The following TP53BP1 variants were observed in gnomAD, a reference collection of about 807,000 sequenced individuals.
TP53BP1 encodes TP53-binding protein 1.
In TP53BP1, 61 loss-of-function variants were observed where a neutral mutation model predicts 200.8. The ratio of observed to expected loss-of-function variants is 0.30; its 90% CI spans 0.25 to 0.38. The LOEUF is 0.38. Among genes scored for constraint, TP53BP1 ranks in the 10% least tolerant of loss-of-function variants. The probability of loss-of-function intolerance (pLI) is 1.00; values close to 1 mark genes in which losing one functional copy is unlikely to be tolerated. For missense variants in TP53BP1, 2,144 were observed against 2,371.9 expected (o/e 0.90, Z 2.00); for synonymous variants, 822 against 844.3 (o/e 0.97, Z 0.46).
intron 24 of TP53BP1, among the ~76,000 whole-genome samples, chr15:43,410,924 C>G (rs1031597594): frequency 9.9e-5 from 15 of 152,202 alleles, no homozygotes; most frequent in Admixed American, 1.3e-4. Flanking sequence ...AATCCCAAAA[C>G]AGAAACTCTA....
At position 43,469,794 on chromosome 15, in the gene TP53BP1, A is replaced by G. The variant is rs1384288495; in HGVS notation, c.1389+64T>C. On this transcript the variant is annotated intron_variant, in intron 11 of 27. Coordinates refer to ENST00000382044, the MANE Select transcript of TP53BP1 (RefSeq NM_001141980.3). ...GTGTGAATTTTATGGTATGTAAATT[A>G]TACCCCAATAATGCTGCTTTAAAAA... The G allele has an allele frequency of 2.3e-6, 3 of 1,316,346 alleles. No homozygotes were observed. The African/African-American group carries it at 4.4e-5, about 19-fold the overall frequency. The allele number at this position is 1,316,346 out of a possible 1,614,324, so 81.5% of individuals were successfully genotyped here.
In TP53BP1 at chr15:43,447,391, C is replaced by A. The variant is rs777007719; in HGVS notation, c.2811G>T (p.Glu937Asp). Reference protein sequence around the residue: ...TPPLIGHLKLEPKRHSTPIGI... With the variant: ...TPPLIGHLKLDPKRHSTPIGI... The stretch of plus-strand genomic sequence containing the variant: ...CAATAGGAGTACTGTGTCTCTTGGG[C>A]TCCAATTTTAGGTGCCCAATAAGAG... The change falls in exon 13 of 28, where the codon GAG becomes GAT. Residue 937 changes from glutamate to aspartate, a missense_variant. By Grantham distance (45) the Glu-to-Asp change is conservative. Coordinates refer to ENST00000382044, the MANE Select transcript of TP53BP1 (RefSeq NM_001141980.3). The A allele has an allele frequency of 6.2e-7, 1 of 1,601,286 alleles. No individual in the cohort carries two copies.
intron 1 of TP53BP1, among the ~76,000 whole-genome samples, chr15:43,509,406 TA>T (rs1475552977): frequency 6.6e-6 from 1 of 152,126 alleles, no homozygotes. Flanking sequence ...AGGATTGCTG[TA>T]AAGTTTTTTG....
At position 43,480,883 on chromosome 15, in the gene TP53BP1, G is replaced by A. The variant is rs1387973140; in HGVS notation, c.499+12C>T. 5.0e-6 allele frequency: 8 copies of A among 1,613,690 alleles called. No homozygotes were observed. The highest frequency in any genetic ancestry group is 6.8e-6 in the Non-Finnish European group (8 of 1,179,842). On this transcript the variant is annotated intron_variant, in intron 5 of 27. Coordinates refer to ENST00000382044, the MANE Select transcript of TP53BP1 (RefSeq NM_001141980.3). ...AGAACAGTCTATTATTCTGAAAAAA[G>A]CACAAGGCTACCTTCAGCACCAAGG... is the stretch of plus-strand genomic sequence containing the variant.
At chr15:43,492,509 T>C (rs760801004) in intron 1 of TP53BP1, 41 bp from the exon 2 acceptor site, 23 of 1,560,290 alleles carry the variant, frequency 1.5e-5, no homozygotes, top group Admixed American at 1.4e-4. Flanking sequence ...TGTAACCTAC[T>C]AGCCTTGCTC....
chr15:43,409,567 C>T (rs1426176311), intron 25 of TP53BP1, 80 bp downstream of exon 25: 2 of 721,578 alleles, frequency 2.8e-6, no homozygotes, highest in Non-Finnish European at 4.4e-6. Context: ...GTTCCCCAAC[C>T]CCTCCCAGGC....
At chr15:43,507,887 G>C (rs555376295) in intron 1 of TP53BP1, among the ~76,000 whole-genome samples, 3 of 151,548 alleles carry the variant, frequency 2.0e-5, no homozygotes, top group Non-Finnish European at 2.9e-5. Context: ...GCTAATTTTT[G>C]TATTTTTTGT....
chr15:43,492,928 G>T, intron 1 of TP53BP1, 109 bp downstream of exon 1: 1 of 311,064 alleles, frequency 3.2e-6, no homozygotes, highest in Non-Finnish European at 5.2e-6. Flanking sequence ...CCCCTTCCCC[G>T]TCACCGCCGC....
intron 21 of TP53BP1, among the ~76,000 whole-genome samples, chr15:43,419,111 TCAGGAGACTGAGG>T (rs1477478085): frequency 1.3e-5 from 2 of 152,088 alleles, no homozygotes; most frequent in Admixed American, 1.3e-4. Flanking sequence ...TCCTAGCTAC[TCAGGAGACTGAGG>T]CAGGAGACTC....
At chr15:43,455,741 C>A in intron 12 of TP53BP1, 151 bp downstream of exon 12, 7 of 1,068,716 alleles carry the variant, frequency 6.5e-6, no homozygotes, top group Non-Finnish European at 9.1e-6. Context: ...AAAGGCAATC[C>A]AAAAAATTTA....
At chr15:43,483,818 G>A (rs999539304) in intron 4 of TP53BP1, among the ~76,000 whole-genome samples, 9 of 152,184 alleles carry the variant, frequency 5.9e-5, no homozygotes, top group African/African-American at 2.2e-4. Flanking sequence ...CACACTTTGA[G>A]CTCTTCTTAG....
rs891315318 is a variant in TP53BP1, at chr15:43,405,242, C to T, written c.*2141G>A. On this transcript the variant is annotated 3_prime_UTR_variant, in exon 28 of 28. Coordinates refer to ENST00000382044, the MANE Select transcript of TP53BP1 (RefSeq NM_001141980.3). ...ATTTCTGGCTCATAAATTGAAATAACAGCCACGTTCCCAAGGTTGTAACAG... is the reference window on the plus strand; with the variant it reads ...ATTTCTGGCTCATAAATTGAAATAATAGCCACGTTCCCAAGGTTGTAACAG... The T allele has an allele frequency of 4.3e-6, 7 of 1,613,258 alleles. No individual in the cohort carries two copies. The highest frequency in any genetic ancestry group is 2.2e-5 in the East Asian group (1 of 44,884).
In TP53BP1 at chr15:43,409,712, G is replaced by A; in HGVS notation, c.5335C>T (p.Gln1779Ter). The change falls in exon 25 of 28, where the codon CAG becomes TAG. Residue 1779 changes from glutamine (Q) to a stop codon, truncating the protein, a stop_gained. Transcript: ENST00000382044. LOFTEE classifies it high-confidence loss of function. ...GCTCGAAGCTGGGATTCTGTATACTGCTTGTTGAAAGGAGGAATTTCCAAA... is the reference window on the plus strand; with the variant it reads ...GCTCGAAGCTGGGATTCTGTATACTACTTGTTGAAAGGAGGAATTTCCAAA... ...EFLEIPPFNK[Q>*]YTESQLRAGA... 2 of 1,560,832 alleles carry A rather than the reference G, an allele frequency of 1.3e-6. No individual in the cohort carries two copies. The highest frequency in any genetic ancestry group is 1.4e-5 in the African/African-American group (1 of 71,862).
intron 21 of TP53BP1, 128 bp downstream of exon 21, chr15:43,420,177 G>A: frequency 1.1e-6 from 1 of 901,026 alleles, no homozygotes; most frequent in Non-Finnish European, 1.7e-6. Flanking sequence ...CAATTTTGTA[G>A]GAATGAAATT....
chr15:43,441,891 A>C (rs1055513594), intron 14 of TP53BP1, among the ~76,000 whole-genome samples: 1 of 152,040 alleles, frequency 6.6e-6, no homozygotes, highest in Non-Finnish European at 1.5e-5. Flanking sequence ...CTGGGACTAC[A>C]GGCATGCGCC....
At chr15:43,459,219 T>C (rs1351126732) in intron 11 of TP53BP1, among the ~76,000 whole-genome samples, 1 of 152,128 alleles carries the variant, frequency 6.6e-6, no homozygotes, top group Middle Eastern at 3.4e-3. Flanking sequence ...ACACCTGTGA[T>C]CCCAGCTACC....
chr15:43,457,390 G>A (rs2046325745), intron 11 of TP53BP1, among the ~76,000 whole-genome samples, 172 bp from the exon 12 acceptor site: 1 of 152,058 alleles, frequency 6.6e-6, no homozygotes, highest in Non-Finnish European at 1.5e-5. Flanking sequence ...AGTATAGCCA[G>A]GAGCAGTGGC....
rs1278910814 is a variant in TP53BP1, at chr15:43,457,076, A to G, written c.1532T>C (p.Leu511Pro). The part of the protein sequence containing the change: ...EPKNSPEDLG[L>P]SLTGDSCKLM... Reference sequence around the variant, plus strand: ...CTTGCAAGAATCCCCTGTCAAAGATAGCCCAAGATCCTCAGGGGAATTCTT... The same window carrying G: ...CTTGCAAGAATCCCCTGTCAAAGATGGCCCAAGATCCTCAGGGGAATTCTT... Residue 511 changes from leucine to proline, a missense_variant, in exon 12 of 28, where the codon CTA becomes CCA. Leu to Pro is a moderately conservative substitution (Grantham distance 98, BLOSUM62 -3). This residue lies in a region of TP53BP1 where 1,700 missense variants were observed against 1,710.3 expected (regional missense o/e 0.99). Transcript: ENST00000382044. The G allele has an allele frequency of 1.2e-6, 2 of 1,614,218 alleles. No homozygotes were observed. Among genetic ancestry groups the G allele is most frequent in the Admixed American group, 3.3e-5 (2 of 60,022 alleles).
In TP53BP1 at chr15:43,491,675, G is replaced by A; in HGVS notation, c.365C>T (p.Thr122Ile). The change falls in exon 4 of 28, where the codon ACA (threonine) becomes ATA (isoleucine). Residue 122 changes from threonine to isoleucine, a missense_variant. Around this residue, in one of 4 missense-constraint regions of TP53BP1, gnomAD observed 1,700 missense variants for 1,710.3 expected, o/e 0.99. Transcript: ENST00000382044. Reference sequence around the variant, plus strand: ...CCCTTCAAACACTGTATACCTGCTTGTCCTGTTTGGCTGAGGTAACTGCTC... The same window carrying A: ...CCCTTCAAACACTGTATACCTGCTTATCCTGTTTGGCTGAGGTAACTGCTC... Reference protein sequence around the residue: ...VIEQLPQPNRTSSVLGMSVES... With the variant: ...VIEQLPQPNRISSVLGMSVES... 6.2e-7 allele frequency: 1 copy of A among 1,611,966 alleles called. No homozygotes were observed. The highest frequency in any genetic ancestry group is 8.5e-7 in the Non-Finnish European group (1 of 1,178,096).
Sources: gnomAD v4.1 joint callset for allele counts (sites outside exome capture counted in the v4.1 genomes callset) on GRCh38, gnomAD v4.1.1 for gene constraint, gnomAD v4.1.1 regional missense constraint, MANE v1.5 for transcripts, NCBI Gene and HGNC (gene_info 2026-07-23, HGNC 2026-07-21) for gene names.